The following DSCAM variants were observed in gnomAD, a reference collection of about 807,000 sequenced individuals.
The protein encoded by DSCAM is cell adhesion molecule DSCAM.
In DSCAM, 47 loss-of-function variants were observed where a neutral mutation model predicts 217.7. That is an observed-to-expected ratio of 0.22 (90% confidence interval 0.17 to 0.28). The LOEUF is 0.28. Among genes scored for constraint, DSCAM ranks in the 10% least tolerant of loss-of-function variants. The pLI, the probability that DSCAM is intolerant of heterozygous loss-of-function variation, is 1.00. For synonymous variants in DSCAM, 1,056 were observed against 1,015.3 expected (o/e 1.04, Z -0.76); for missense variants, 2,080 against 2,618.3 (o/e 0.79, Z 4.49).
chr21:40,694,688 G>A (rs2090576862), intron 2 of DSCAM, among the ~76,000 whole-genome samples: 1 of 151,858 alleles, frequency 6.6e-6, no homozygotes, highest in Non-Finnish European at 1.5e-5. Flanking sequence ...GGTCCAGGCA[G>A]CAACTCCACA....
intron 3 of DSCAM, among the ~76,000 whole-genome samples, chr21:40,538,399 C>A (rs1288833758): frequency 6.6e-6 from 1 of 152,110 alleles, no homozygotes; most frequent in African/African-American, 2.4e-5. Context: ...ATGCGCCACT[C>A]CCCCAAGTAC....
intron 3 of DSCAM, among the ~76,000 whole-genome samples, chr21:40,519,453 T>C (rs2076341309): frequency 6.6e-6 from 1 of 152,052 alleles, no homozygotes; most frequent in Non-Finnish European, 1.5e-5. Context: ...TCATGAACGG[T>C]ATTGTGCACT....
rs1243260096 is a variant in DSCAM, at chr21:40,320,062, G to C, written c.1784-7703C>G. ...GAAAGCATGGGTAAGGGGAGGGAAA[G>C]CATCAGGAAAAATAGCTAATGCATG... On this transcript the variant is annotated intron_variant, in intron 8 of 32. Coordinates refer to ENST00000400454, the MANE Select transcript of DSCAM (RefSeq NM_001389.5). Among the ~76,000 whole-genome samples, 4 of 152,308 alleles carry C rather than the reference G, an allele frequency of 2.6e-5. No individual in the cohort carries two copies. The South Asian group carries it at 8.3e-4, about 32-fold the overall frequency.
chr21:40,204,910 T>C (rs1266550295), intron 11 of DSCAM, among the ~76,000 whole-genome samples: 3 of 152,192 alleles, frequency 2.0e-5, no homozygotes, highest in Non-Finnish European at 2.9e-5. Flanking sequence ...CATCCAGCAG[T>C]GAAATGGGTA....
chr21:40,497,601 C>G (rs2076129416), intron 3 of DSCAM, among the ~76,000 whole-genome samples: 1 of 152,010 alleles, frequency 6.6e-6, no homozygotes, highest in South Asian at 2.1e-4. Context: ...CCTGAAAAGC[C>G]CTTAGAGTAA....
rs146805017 is a variant in DSCAM at position 40,713,117 on chromosome 21, T to G, written c.44-4346A>C. On this transcript the variant is annotated intron_variant, in intron 1 of 32. Coordinates refer to ENST00000400454, the MANE Select transcript of DSCAM (RefSeq NM_001389.5). ...GAAATAACATGGATGATCTCACACT[T>G]GAAGACCTACACCTCCTTGGGGATG... Among the ~76,000 whole-genome samples the G allele has an allele frequency of 3.5e-3, 528 of 151,904 alleles. 2 individuals carry two copies. Among genetic ancestry groups the G allele is most frequent in the African/African-American group, 0.012 (515 of 41,396 alleles).
intron 1 of DSCAM, among the ~76,000 whole-genome samples, chr21:40,792,137 C>CTTTTTTTTTTTTT (rs67838146): frequency 8.4e-6 from 1 of 118,606 alleles, no homozygotes; most frequent in South Asian, 2.6e-4. Flanking sequence ...TCTTCTTCTT[C>CTTTTTTTTTTTTT]TTTTTTTTTT....
intron 1 of DSCAM, among the ~76,000 whole-genome samples, chr21:40,800,033 A>T (rs778649657): frequency 5.3e-5 from 8 of 152,170 alleles, no homozygotes; most frequent in Non-Finnish European, 1.0e-4. Flanking sequence ...GGATTAATAG[A>T]TTATCACAGG....
intron 3 of DSCAM, among the ~76,000 whole-genome samples, chr21:40,605,619 A>G (rs1416602587): frequency 6.6e-6 from 1 of 152,164 alleles, no homozygotes; most frequent in African/African-American, 2.4e-5. Flanking sequence ...ATTTACAAAA[A>G]AAGGGGTTGG....
chr21:40,434,728 AATT>A lies in DSCAM; in HGVS notation c.509-65486_509-65484del, dbSNP rs533505675. On this transcript the variant is annotated intron_variant, in intron 3 of 32. Transcript: ENST00000400454. ...AGGAAAATAATTTTTGAATTTGTGTAATTATTTGTTATTCTCAATAAACCTATA... is the reference window on the plus strand; with the variant it reads ...AGGAAAATAATTTTTGAATTTGTGTAATTTGTTATTCTCAATAAACCTATA... Among the ~76,000 whole-genome samples the A allele has an allele frequency of 8.1e-4, 123 of 152,282 alleles. 1 individual carries two copies. In the East Asian group the frequency reaches 0.017, roughly 21 times the overall value.
At chr21:40,712,695 ATAATG>A (rs2090795122) in intron 1 of DSCAM, among the ~76,000 whole-genome samples, 1 of 152,144 alleles carries the variant, frequency 6.6e-6, no homozygotes, top group African/African-American at 2.4e-5. Context: ...TGTTGATAAT[ATAATG>A]TAACCTTTTG....
intron 3 of DSCAM, among the ~76,000 whole-genome samples, chr21:40,465,876 T>C (rs1432723474): frequency 7.0e-6 from 1 of 142,386 alleles, no homozygotes; most frequent in Non-Finnish European, 1.5e-5. Context: ...ATAAACACGT[T>C]TGGTAAAAAA....
intron 1 of DSCAM, among the ~76,000 whole-genome samples, chr21:40,726,637 C>A (rs1353660584): frequency 6.6e-6 from 1 of 152,080 alleles, no homozygotes. Flanking sequence ...TCAGAAGGAG[C>A]CCAAACCAAC....
chr21:40,428,364 G>C (rs151268183), intron 3 of DSCAM, among the ~76,000 whole-genome samples: 1 of 151,296 alleles, frequency 6.6e-6, no homozygotes, highest in Admixed American at 6.6e-5. Flanking sequence ...TCTGCCTCCC[G>C]GGTCCAAGCA....
intron 1 of DSCAM, among the ~76,000 whole-genome samples, chr21:40,739,164 T>C (rs2146539050): frequency 6.6e-6 from 1 of 152,174 alleles, no homozygotes; most frequent in East Asian, 1.9e-4. Context: ...ATTTCAGCCA[T>C]AGGCAAAGAG....
chr21:40,135,918 T>A (rs371136962), intron 18 of DSCAM, among the ~76,000 whole-genome samples: 1 of 151,966 alleles, frequency 6.6e-6, no homozygotes, highest in African/African-American at 2.4e-5. Context: ...CTTCTAGGAG[T>A]TGCAAGAAGA....
intron 16 of DSCAM, among the ~76,000 whole-genome samples, chr21:40,153,146 C>T (rs1162289288): frequency 6.6e-6 from 1 of 152,208 alleles, no homozygotes; most frequent in Non-Finnish European, 1.5e-5. Flanking sequence ...CCTCCCCTTA[C>T]CTGCTTTCCA....
At chr21:40,649,898 G>A (rs2089992777) in intron 3 of DSCAM, among the ~76,000 whole-genome samples, 1 of 152,192 alleles carries the variant, frequency 6.6e-6, no homozygotes, top group Non-Finnish European at 1.5e-5. Context: ...GAGAGAGAGA[G>A]ACAGAGTAGA....
chr21:40,409,618 C>T (rs779198794), intron 3 of DSCAM, among the ~76,000 whole-genome samples: 5 of 152,312 alleles, frequency 3.3e-5, no homozygotes, highest in Middle Eastern at 3.4e-3. Flanking sequence ...GCCAAGGCTA[C>T]GGCAAGAACA....
Sources: allele counts gnomAD v4.1 joint callset (sites outside exome capture counted in the v4.1 genomes callset), GRCh38; gene constraint gnomAD v4.1.1; transcripts MANE v1.5; gene names NCBI Gene and HGNC (gene_info 2026-07-23, HGNC 2026-07-21).